The following DNAH7 variants were observed in gnomAD, a reference collection of about 807,000 sequenced individuals.
DNAH7 encodes dynein axonemal heavy chain 7.
DNAH7 carries 397 observed loss-of-function variants against 444.6 expected under a neutral mutation model. That is an observed-to-expected ratio of 0.89 (90% confidence interval 0.82 to 0.97). The LOEUF (loss-of-function observed/expected upper bound fraction) is 0.97, where lower values mean the gene tolerates loss of function less well. DNAH7 is among the 50% of genes least tolerant of loss of function. The probability of loss-of-function intolerance (pLI) is 0.00; values close to 1 mark genes in which losing one functional copy is unlikely to be tolerated. For synonymous variants in DNAH7, 1,636 were observed against 1,624.4 expected, an observed-to-expected ratio of 1.01 and a Z score of -0.17; for missense variants, 4,902 against 4,800.8, an observed-to-expected ratio of 1.02 and a Z score of -0.62.
rs186464550 is a variant in DNAH7, at chr2:195,846,802, G to A, written c.8782-1637C>T. Among the ~76,000 whole-genome samples the A allele has an allele frequency of 1.9e-3, 282 of 152,212 alleles. 1 individual carries two copies. The highest frequency in any genetic ancestry group is 6.4e-3 in the African/African-American group (267 of 41,518). On this transcript the variant is annotated intron_variant, in intron 46 of 64. Transcript: ENST00000312428. ...CTTTCAGCCTACATCTTTCTCCCATGCTGGATGCTTCCTGCCTTCAAATGT... is the reference window on the plus strand; with the variant it reads ...CTTTCAGCCTACATCTTTCTCCCATACTGGATGCTTCCTGCCTTCAAATGT...
intron 49 of DNAH7, among the ~76,000 whole-genome samples, chr2:195,820,614 T>C (rs894269849): frequency 6.6e-6 from 1 of 152,134 alleles, no homozygotes; most frequent in East Asian, 1.9e-4. Flanking sequence ...GAAAGTACTT[T>C]CCCAAACCCA....
At chr2:195,990,812 TATATATATATACTTAAATATATATAC>T (rs1371139708) in intron 12 of DNAH7, among the ~76,000 whole-genome samples, 3 of 120,492 alleles carry the variant, frequency 2.5e-5, no homozygotes, top group Non-Finnish European at 3.6e-5. Flanking sequence ...TGTGTGTGTG[TATATATATATACTTAAATATATATAC>T]ATATATATAC....
At position 196,012,792 on chromosome 2, in the gene DNAH7, A is replaced by T; in HGVS notation, c.984T>A (p.Leu328=). The stretch of plus-strand genomic sequence containing the variant: ...ATGAAATTTCAAACCTTTACATTTT[A>T]AGTAGAGTCTCTTTGGCAGAGTCCA... ...RHMDSAKETL[L]KMWFPEVQNI... The change falls in exon 10 of 65, where the codon CTT becomes CTA. Residue 328 remains leucine, a synonymous_variant. Transcript: ENST00000312428. 1.3e-6 allele frequency: 2 copies of T among 1,599,408 alleles called. No individual in the cohort carries two copies. The highest frequency in any genetic ancestry group is 1.7e-6 in the Non-Finnish European group (2 of 1,173,678).
chr2:195,754,247 C>T, intron 63 of DNAH7, 90 bp downstream of exon 63: 4 of 1,334,002 alleles, frequency 3.0e-6, no homozygotes, highest in Admixed American at 4.7e-5. Context: ...ATGTTTATTA[C>T]TTTTTTAACA....
intron 51 of DNAH7, among the ~76,000 whole-genome samples, chr2:195,815,145 G>A (rs1218022993): frequency 6.6e-6 from 1 of 151,568 alleles, no homozygotes; most frequent in Non-Finnish European, 1.5e-5. Flanking sequence ...GCAAATAGCT[G>A]GGAACTTTTC....
intron 19 of DNAH7, among the ~76,000 whole-genome samples, chr2:195,952,586 C>G (rs1398377350): frequency 6.6e-6 from 1 of 152,190 alleles, no homozygotes; most frequent in Non-Finnish European, 1.5e-5. Flanking sequence ...CAGGTTTGGT[C>G]TTTTCACATA....
At chr2:195,843,249 G>A (rs1219526879) in intron 47 of DNAH7, among the ~76,000 whole-genome samples, 1 of 152,106 alleles carries the variant, frequency 6.6e-6, no homozygotes, top group Non-Finnish European at 1.5e-5. Flanking sequence ...GCCCTTCTGT[G>A]CTTTGTAAAA....
chr2:195,883,280 T>C (rs868495265), intron 35 of DNAH7, among the ~76,000 whole-genome samples: 1 of 152,104 alleles, frequency 6.6e-6, no homozygotes, highest in African/African-American at 2.4e-5. Context: ...ACCCCGTCTC[T>C]ACTAAAAATA....
At chr2:195,795,819 G>C (rs904508814) in intron 56 of DNAH7, 1 of 152,280 alleles carries the variant, frequency 6.6e-6, no homozygotes, top group Non-Finnish European at 1.5e-5. Context: ...TTACATTCTA[G>C]TGGGAGACAC....
At chr2:196,000,910 C>A in intron 11 of DNAH7, 27 bp from the exon 12 acceptor site, 2 of 1,527,890 alleles carry the variant, frequency 1.3e-6, no homozygotes, top group South Asian at 2.7e-5. Context: ...AATTTACATA[C>A]ATAAATATGT....
chr2:195,983,836 G>C (rs1040640783), intron 15 of DNAH7, among the ~76,000 whole-genome samples: 7 of 152,142 alleles, frequency 4.6e-5, no homozygotes, highest in Admixed American at 2.6e-4. Context: ...GTCACTTAAG[G>C]CTTAAATATT....
At chr2:196,045,009 G>A (rs1697010117) in intron 5 of DNAH7, among the ~76,000 whole-genome samples, 1 of 152,034 alleles carries the variant, frequency 6.6e-6, no homozygotes. Flanking sequence ...TAAGTCTGGA[G>A]TGAGGCATGA....
chr2:195,920,882 A>G (rs1687978322), intron 24 of DNAH7, among the ~76,000 whole-genome samples: 1 of 152,196 alleles, frequency 6.6e-6, no homozygotes, highest in Non-Finnish European at 1.5e-5. Flanking sequence ...AAAAATAACT[A>G]ATCCCACAAA....
At position 195,875,697 on chromosome 2, in the gene DNAH7, G is replaced by A. The variant is rs1701010993; in HGVS notation, c.6264C>T (p.Ile2088=). 1.3e-6 allele frequency: 2 copies of A among 1,599,754 alleles called. No individual in the cohort carries two copies. The highest frequency in any genetic ancestry group is 1.7e-6 in the Non-Finnish European group (2 of 1,174,408). Residue 2088 remains isoleucine, a synonymous_variant, in exon 38 of 65, where the codon ATC becomes ATT. Coordinates refer to ENST00000312428, the MANE Select transcript of DNAH7 (RefSeq NM_018897.3). ...CSMIKLVDIQ[I]MCAMGPPGGG... ...TACCTGGAGGTCCCATAGCACACAT[G>A]ATCTGAATGTCCACTAGTTTAATCA...
At chr2:195,814,914 G>A (rs574733242) in intron 51 of DNAH7, among the ~76,000 whole-genome samples, 2 of 151,744 alleles carry the variant, frequency 1.3e-5, no homozygotes, top group Non-Finnish European at 2.9e-5. Context: ...CTAAATTTTT[G>A]TATTTTTTGT....
intron 54 of DNAH7, among the ~76,000 whole-genome samples, chr2:195,802,774 A>G (rs1189479431): frequency 6.6e-6 from 1 of 152,160 alleles, no homozygotes; most frequent in African/African-American, 2.4e-5. Flanking sequence ...GTGTTGTGGT[A>G]AGGTCAGGGC....
At chr2:195,995,313 G>A in intron 12 of DNAH7, 1 of 504,206 alleles carries the variant, frequency 2.0e-6, no homozygotes. Flanking sequence ...CAGTTTTTCT[G>A]CCTTGTTCAA....
chr2:195,746,388 C>T (rs1003156190), intron 63 of DNAH7, among the ~76,000 whole-genome samples: 2 of 152,222 alleles, frequency 1.3e-5, no homozygotes, highest in East Asian at 3.9e-4. Flanking sequence ...GACTCCCACA[C>T]AATAATAATG....
intron 36 of DNAH7, among the ~76,000 whole-genome samples, chr2:195,877,604 TAATC>T (rs1701134984): frequency 6.6e-6 from 1 of 152,212 alleles, no homozygotes; most frequent in African/African-American, 2.4e-5. Flanking sequence ...TTTGGAATAT[TAATC>T]TATTCATCAA....
Sources: allele counts gnomAD v4.1 joint callset (sites outside exome capture counted in the v4.1 genomes callset), GRCh38; gene constraint gnomAD v4.1.1; transcripts MANE v1.5; gene names NCBI Gene and HGNC (gene_info 2026-07-23, HGNC 2026-07-21).